Variants in CBY1 observed in about 807,000 individuals in gnomAD.
CBY1 encodes the protein chibby 1, beta catenin antagonist, also known as protein chibby homolog 1.
Under a neutral mutation model 15.6 loss-of-function variants are expected in CBY1, and 10 were observed. That is an observed-to-expected ratio of 0.64 (90% CI 0.40 to 1.09). The LOEUF (loss-of-function observed/expected upper bound fraction) is 1.09. CBY1 is among the 50% of genes least tolerant of loss of function. The pLI is 0.01. For missense variants in CBY1, 150 were observed against 160.5 expected (o/e 0.93, Z 0.35); for synonymous variants, 61 against 63.5 (o/e 0.96, Z 0.19).
At chr22:38,670,824 A>T (rs2092450244) in intron 2 of CBY1, 60 bp from the exon 3 acceptor site, 1 of 1,058,040 alleles carries the variant, frequency 9.5e-7, no homozygotes, top group Non-Finnish European at 1.5e-6. Flanking sequence ...GCGGAAGAGG[A>T]GCTGGGATGA....
intron 1 of CBY1, among the ~76,000 whole-genome samples, chr22:38,663,688 C>T (rs1448740189): frequency 8.0e-6 from 1 of 125,068 alleles, no homozygotes; most frequent in Non-Finnish European, 1.6e-5. Flanking sequence ...AAGAGCGAAA[C>T]TCTGTCTCCA....
chr22:38,672,301 AT>A (rs2092454910), intron 4 of CBY1, among the ~76,000 whole-genome samples: 2 of 151,130 alleles, frequency 1.3e-5, no homozygotes, highest in Admixed American at 1.3e-4. Context: ...TTTAGGCTGG[AT>A]GTTTTTTTAT....
intron 4 of CBY1, chr22:38,671,694 G>A (rs2092453002): frequency 6.2e-6 from 1 of 161,320 alleles, no homozygotes; most frequent in Non-Finnish European, 1.4e-5. Flanking sequence ...GGGCCTAGAG[G>A]AGCCTGTGAA....
intron 1 of CBY1, among the ~76,000 whole-genome samples, chr22:38,658,139 T>C (rs76266359): frequency 3.9e-5 from 6 of 151,998 alleles, no homozygotes; most frequent in Non-Finnish European, 5.9e-5. Context: ...ATTTTTTTTT[T>C]CTTTGAGATG....
intron 1 of CBY1, among the ~76,000 whole-genome samples, chr22:38,659,299 G>A (rs1257472711): frequency 2.0e-5 from 3 of 151,310 alleles, no homozygotes; most frequent in East Asian, 3.9e-4. Context: ...TTGCTCCGTC[G>A]CCCAGGCTAG....
chr22:38,667,014 A>T (rs561618808), intron 1 of CBY1, among the ~76,000 whole-genome samples: 2,697 of 101,354 alleles, frequency 0.027, 54 homozygotes, highest in East Asian at 0.15. Flanking sequence ...TTCTTTCTTT[A>T]TTTTTTTTTT....
chr22:38,658,512 G>A (rs1478783808), intron 1 of CBY1, among the ~76,000 whole-genome samples: 4 of 150,714 alleles, frequency 2.7e-5, no homozygotes, highest in Non-Finnish European at 4.4e-5. Flanking sequence ...CCAGGCTGGA[G>A]TGCAGTGGTG....
intron 1 of CBY1, among the ~76,000 whole-genome samples, chr22:38,661,288 C>G (rs749053793): frequency 6.6e-6 from 1 of 152,208 alleles, no homozygotes. Flanking sequence ...TTTCTTGTGC[C>G]TCAGCCTCCC....
chr22:38,669,797 A>G (rs1005123369), intron 2 of CBY1: 1 of 152,324 alleles, frequency 6.6e-6, no homozygotes, highest in Admixed American at 6.5e-5. Context: ...TGAGTTGTAG[A>G]AATGAATATC....
chr22:38,665,529 CTG>C, intron 1 of CBY1: 2 of 400,076 alleles, frequency 5.0e-6, no homozygotes, highest in Non-Finnish European at 8.8e-6. Context: ...GTAAATTTTG[CTG>C]TGTTTATACA....
chr22:38,658,182 G>A (rs1278597727), intron 1 of CBY1, among the ~76,000 whole-genome samples: 1 of 151,816 alleles, frequency 6.6e-6, no homozygotes, highest in African/African-American at 2.4e-5. Context: ...CTAGAAAGCA[G>A]TGGTGCAATT....
chr22:38,665,460 G>A (rs771558945), intron 1 of CBY1: 1 of 382,894 alleles, frequency 2.6e-6, no homozygotes, highest in Non-Finnish European at 4.6e-6. Flanking sequence ...ACGAGACCCT[G>A]TCTCAAGAAA....
intron 2 of CBY1, chr22:38,670,233 A>T (rs2092448523): frequency 6.6e-6 from 1 of 152,206 alleles, no homozygotes; most frequent in South Asian, 2.1e-4. Flanking sequence ...CCGTCTCAAA[A>T]AAAACCCCAA....
intron 1 of CBY1, among the ~76,000 whole-genome samples, chr22:38,665,342 T>C (rs2092432997): frequency 6.6e-6 from 1 of 152,114 alleles, no homozygotes; most frequent in Admixed American, 6.5e-5. Context: ...TGCGTGCCTA[T>C]AGTCCCAGCT....
intron 2 of CBY1, chr22:38,670,269 G>A (rs2092448628): frequency 1.3e-5 from 2 of 152,222 alleles, no homozygotes; most frequent in South Asian, 4.2e-4. Context: ...GGTGGTGCAT[G>A]CCTGTAGTCC....
chr22:38,667,222 G>C lies in CBY1; in HGVS notation c.-38-795G>C, dbSNP rs202075836. Among the ~76,000 whole-genome samples the C allele has an allele frequency of 4.6e-5, 7 of 152,230 alleles. No individual in the cohort carries two copies. The East Asian group carries it at 1.4e-3, about 29-fold the overall frequency. On this transcript the variant is annotated intron_variant, in intron 1 of 4. Coordinates refer to ENST00000216029, the MANE Select transcript of CBY1 (RefSeq NM_015373.4). ...GACAGAGTTTTGCCATGTTGGCCAG[G>C]CTGGTCTTAAACTCCTGGGCTCAAG...
At chr22:38,665,748 G>A (rs1349447620) in intron 1 of CBY1, 16 of 1,224,194 alleles carry the variant, frequency 1.3e-5, no homozygotes, top group Non-Finnish European at 1.6e-5. Flanking sequence ...TTAAAAAAAT[G>A]TTTTGAGCCA....
chr22:38,663,637 G>A (rs1462855586), intron 1 of CBY1, among the ~76,000 whole-genome samples: 5 of 150,418 alleles, frequency 3.3e-5, no homozygotes, highest in African/African-American at 4.9e-5. Context: ...TGGAGGTTGC[G>A]GTGTGCTGAG....
intron 4 of CBY1, chr22:38,671,656 G>T (rs1159906126): frequency 6.1e-6 from 1 of 163,804 alleles, no homozygotes; most frequent in African/African-American, 2.4e-5. Flanking sequence ...TTGGTTTCTT[G>T]TGGCTGTTAA....
Sources: gnomAD v4.1 joint callset for allele counts (sites outside exome capture counted in the v4.1 genomes callset) on GRCh38, gnomAD v4.1.1 for gene constraint, MANE v1.5 for transcripts, NCBI Gene and HGNC (gene_info 2026-07-23, HGNC 2026-07-21) for gene names.